Variants in SRGAP1 observed in about 807,000 individuals in gnomAD.
SRGAP1 encodes the protein SLIT-ROBO Rho GTPase-activating protein 1.
Under a neutral mutation model 121.9 loss-of-function variants are expected in SRGAP1, and 43 were observed. That is an observed-to-expected ratio of 0.35 (90% CI 0.28 to 0.46). The LOEUF (loss-of-function observed/expected upper bound fraction) is 0.46. Ranked by LOEUF, SRGAP1 falls within the 20% of genes least tolerant of loss-of-function variation. SRGAP1 has a pLI of 1.00. For missense variants in SRGAP1, 1,102 were observed against 1,350.9 expected, an observed-to-expected ratio of 0.82 and a Z score of 2.89; for synonymous variants, 447 against 485.4, an observed-to-expected ratio of 0.92 and a Z score of 1.04.
chr12:64,088,224 G>GA (rs1466746708), intron 11 of SRGAP1, among the ~76,000 whole-genome samples: 1 of 151,754 alleles, frequency 6.6e-6, no homozygotes, highest in Non-Finnish European at 1.5e-5. Context: ...CCTAACAAAA[G>GA]AAAAAAACAC....
chr12:63,894,227 A>T (rs1900677730), intron 1 of SRGAP1, among the ~76,000 whole-genome samples: 1 of 151,856 alleles, frequency 6.6e-6, no homozygotes, highest in Non-Finnish European at 1.5e-5. Context: ...TTTTTAAAGT[A>T]CTGTACAGAT....
chr12:64,029,734 C>T (rs948342087), intron 4 of SRGAP1, among the ~76,000 whole-genome samples: 6 of 151,980 alleles, frequency 3.9e-5, no homozygotes, highest in Non-Finnish European at 5.9e-5. Context: ...CGGTGGCTCA[C>T]GCCTGTAATC....
At chr12:63,947,851 TAGA>T (rs1159234054) in intron 1 of SRGAP1, among the ~76,000 whole-genome samples, 1 of 152,220 alleles carries the variant, frequency 6.6e-6, no homozygotes, top group Non-Finnish European at 1.5e-5. Context: ...CAGTGTGAAT[TAGA>T]AGAGATCCTA....
intron 8 of SRGAP1, among the ~76,000 whole-genome samples, chr12:64,071,861 C>T (rs1241219470): frequency 6.7e-6 from 1 of 150,116 alleles, no homozygotes; most frequent in Admixed American, 6.7e-5. Context: ...TGTGACATTC[C>T]CTACCCTCAC....
chr12:64,036,117 G>T (rs1001587583), intron 4 of SRGAP1, among the ~76,000 whole-genome samples: 2 of 152,198 alleles, frequency 1.3e-5, no homozygotes, highest in African/African-American at 4.8e-5. Context: ...GAAGACTGGA[G>T]ATTGCAGATG....
intron 1 of SRGAP1, among the ~76,000 whole-genome samples, chr12:63,863,073 C>G (rs1034718741): frequency 6.6e-6 from 1 of 152,104 alleles, no homozygotes; most frequent in Non-Finnish European, 1.5e-5. Flanking sequence ...CAAGTTTTCA[C>G]TTTTATTTAC....
intron 4 of SRGAP1, chr12:64,038,792 G>A (rs1348103998): frequency 2.6e-5 from 4 of 152,158 alleles, no homozygotes; most frequent in Non-Finnish European, 5.9e-5. Flanking sequence ...GTATTGAATG[G>A]AGAATTATGC....
intron 1 of SRGAP1, among the ~76,000 whole-genome samples, chr12:63,921,511 A>G (rs2031042666): frequency 6.6e-6 from 1 of 151,964 alleles, no homozygotes; most frequent in African/African-American, 2.4e-5. Flanking sequence ...GCGTTTGCAC[A>G]GGCTGAACCT....
At position 64,116,255 on chromosome 12, in the gene SRGAP1, C is replaced by CA. The variant is rs35619316; in HGVS notation, c.2224+383dup. On this transcript the variant is annotated intron_variant, in intron 18 of 21. Coordinates refer to ENST00000355086, the MANE Select transcript of SRGAP1 (RefSeq NM_020762.4). ...CTGGGCAACAGAACAGACCTCATCT[C>CA]AAAAAAAAAAAAAAAAAAAAAGTAG... Among the ~76,000 whole-genome samples the CA allele has an allele frequency of 7.9e-3, 572 of 72,542 alleles. 4 individuals are homozygous for CA. Among genetic ancestry groups the CA allele is most frequent in the Non-Finnish European group, 9.8e-3 (358 of 36,430 alleles). 47.6% of individuals were successfully genotyped at this position (72,542 alleles called of 152,430 possible).
chr12:64,049,308 A>G (rs1199172424), intron 6 of SRGAP1, among the ~76,000 whole-genome samples: 2 of 152,188 alleles, frequency 1.3e-5, no homozygotes, highest in African/African-American at 4.8e-5. Flanking sequence ...GCTATAAAGA[A>G]CTGCCCAAGA....
intron 1 of SRGAP1, among the ~76,000 whole-genome samples, chr12:63,863,266 C>CTTTT (rs1404045182): frequency 1.4e-5 from 2 of 140,326 alleles, no homozygotes; most frequent in African/African-American, 5.5e-5. Flanking sequence ...AAAGGTTGCT[C>CTTTT]TTTTTTTTTC....
chr12:64,095,030 A>G (rs753087157), intron 13 of SRGAP1, 38 bp downstream of exon 13: 6 of 1,612,220 alleles, frequency 3.7e-6, no homozygotes, highest in South Asian at 3.3e-5. Flanking sequence ...TTTTTAAAAA[A>G]TCACTTGAAG....
At position 64,147,939 on chromosome 12, in the gene SRGAP1, G is replaced by C. The variant is rs2037078781; in HGVS notation, c.*5267G>C. 3.0e-6 allele frequency: 1 copy of C among 337,980 alleles called. No individual in the cohort carries two copies. The highest frequency in any genetic ancestry group is 1.5e-4 in the South Asian group (1 of 6,534). 20.9% of individuals were successfully genotyped at this position (337,980 alleles called of 1,614,324 possible). On this transcript the variant is annotated 3_prime_UTR_variant, in exon 22 of 22. Coordinates refer to ENST00000355086, the MANE Select transcript of SRGAP1 (RefSeq NM_020762.4). Reference sequence around the variant, plus strand: ...TGACAGCTAGCTTGCATTAAATAATGTGAAACTTTTACCTTTAAAATATTT... The same window carrying C: ...TGACAGCTAGCTTGCATTAAATAATCTGAAACTTTTACCTTTAAAATATTT...
At position 64,153,591 on chromosome 12, in the gene SRGAP1, A is replaced by G. The variant is rs2037140353; in HGVS notation, c.*10919A>G. The G allele has an allele frequency of 6.6e-6, 1 of 152,178 alleles. No homozygotes were observed. Among genetic ancestry groups the G allele is most frequent in the Admixed American group, 6.6e-5 (1 of 15,262 alleles). The allele number at this position is 152,178 out of a possible 1,614,324, so 9.4% of individuals were successfully genotyped here. On this transcript the variant is annotated 3_prime_UTR_variant, in exon 22 of 22. Coordinates refer to ENST00000355086, the MANE Select transcript of SRGAP1 (RefSeq NM_020762.4). ...TTTTTAGAAGATGACCCTCAAAACC[A>G]CAATGAGATATCACCTCATACCCAT...
rs777659669 is a variant in SRGAP1, at chr12:63,911,445, G to A, written c.67+66562G>A. Among the ~76,000 whole-genome samples the A allele has an allele frequency of 9.2e-5, 14 of 152,094 alleles. 1 individual carries two copies. The highest frequency in any genetic ancestry group is 1.9e-4 in the Non-Finnish European group (13 of 68,018). ...CTTAGTCAACCTTGCATCTATCTCT[G>A]CACCCATCCATGTAGTTGTGGTGGT... On this transcript the variant is annotated intron_variant, in intron 1 of 21. Coordinates refer to ENST00000355086, the MANE Select transcript of SRGAP1 (RefSeq NM_020762.4).
In SRGAP1 at chr12:64,130,510, C is replaced by A. The variant is rs536058430; in HGVS notation, c.2880+2310C>A. 1.1e-3 allele frequency among the ~76,000 whole-genome samples: 167 copies of A among 152,296 alleles called. 1 individual carries two copies. The highest frequency in any genetic ancestry group is 3.8e-3 in the African/African-American group (160 of 41,564). On this transcript the variant is annotated intron_variant, in intron 21 of 21. Coordinates refer to ENST00000355086, the MANE Select transcript of SRGAP1 (RefSeq NM_020762.4). ...AATCCTGGCTATGGGAGAAACTGCACCATGTATTGGACACAGATTCAGAGC... is the reference window on the plus strand; with the variant it reads ...AATCCTGGCTATGGGAGAAACTGCAACATGTATTGGACACAGATTCAGAGC...
At chr12:63,987,441 G>T (rs1024427447) in intron 2 of SRGAP1, among the ~76,000 whole-genome samples, 1 of 152,108 alleles carries the variant, frequency 6.6e-6, no homozygotes, top group African/African-American at 2.4e-5. Context: ...AGATACAAAG[G>T]GTCGGGTGCG....
chr12:64,117,910 A>G (rs2036548190), intron 18 of SRGAP1, among the ~76,000 whole-genome samples: 1 of 152,204 alleles, frequency 6.6e-6, no homozygotes, highest in Admixed American at 6.5e-5. Flanking sequence ...AGGTTCATCC[A>G]TGCTGTCACA....
At chr12:63,923,189 T>G (rs932248528) in intron 1 of SRGAP1, among the ~76,000 whole-genome samples, 2 of 152,242 alleles carry the variant, frequency 1.3e-5, no homozygotes, top group African/African-American at 2.4e-5. Flanking sequence ...CCTTTTCTTA[T>G]GTACTTTTAT....
Sources: allele counts gnomAD v4.1 joint callset (sites outside exome capture counted in the v4.1 genomes callset), GRCh38; gene constraint gnomAD v4.1.1; transcripts MANE v1.5; gene names NCBI Gene and HGNC (gene_info 2026-07-23, HGNC 2026-07-21).